VWC2L: variants seen among roughly 807,000 people sequenced by gnomAD.
VWC2L encodes von Willebrand factor C domain containing 2 like.
In VWC2L, 10 loss-of-function variants were observed where a neutral mutation model predicts 21.6. The observed-to-expected ratio is 0.46, with a 90% CI of 0.29 to 0.78. The LOEUF (loss-of-function observed/expected upper bound fraction) is 0.78. Among genes scored for constraint, VWC2L ranks in the 30% least tolerant of loss-of-function variants. The pLI is 0.10. For missense variants in VWC2L, 209 were observed against 277.1 expected (o/e 0.75, Z 1.74); for synonymous variants, 96 against 94.3 (o/e 1.02, Z -0.10).
intron 3 of VWC2L, among the ~76,000 whole-genome samples, chr2:214,464,328 G>A (rs781324129): frequency 6.6e-6 from 1 of 152,068 alleles, no homozygotes; most frequent in Non-Finnish European, 1.5e-5. Flanking sequence ...AGGGAATTGT[G>A]GTTACTACAG....
intron 3 of VWC2L, among the ~76,000 whole-genome samples, chr2:214,466,039 C>T (rs1030840036): frequency 6.6e-6 from 1 of 152,168 alleles, no homozygotes; most frequent in African/African-American, 2.4e-5. Context: ...TCAAAGCTGT[C>T]TTTCCTACCT....
chr2:214,526,136 A>G (rs958106383), intron 3 of VWC2L, among the ~76,000 whole-genome samples: 2 of 151,064 alleles, frequency 1.3e-5, no homozygotes, highest in Non-Finnish European at 2.9e-5. Context: ...GAAGCTCAGA[A>G]TAACGTATAT....
chr2:214,448,953 C>T (rs767267576), intron 3 of VWC2L, among the ~76,000 whole-genome samples: 4 of 152,158 alleles, frequency 2.6e-5, no homozygotes, highest in Non-Finnish European at 5.9e-5. Flanking sequence ...AGGCACCTAT[C>T]CCAGATGTCT....
intron 3 of VWC2L, among the ~76,000 whole-genome samples, chr2:214,506,256 A>G (rs12466729): frequency 0.87 from 132,905 of 152,186 alleles, 60,731 homozygotes; most frequent in Non-Finnish European, 1. Context: ...TGAAGGATTT[A>G]TATCTGTAGC....
In VWC2L at chr2:214,561,784, T is replaced by TTATATATATATA. The variant is rs67223012; in HGVS notation, c.521-13873_521-13862dup. ...GAGTAATACCTTATCTCAAAAAAAA[T>TTATATATATATA]TATATATATATATATATATATATAT... On this transcript the variant is annotated intron_variant, in intron 3 of 3. Coordinates refer to ENST00000312504, the MANE Select transcript of VWC2L (RefSeq NM_001080500.4). Among the ~76,000 whole-genome samples the TTATATATATATA allele has an allele frequency of 4.4e-3, 568 of 128,362 alleles. 7 individuals carry two copies. The highest frequency in any genetic ancestry group is 0.018 in the African/African-American group (514 of 29,358). 84.2% of individuals were successfully genotyped at this position (128,362 alleles called of 152,430 possible). A position where few individuals can be genotyped will look rare whatever the true frequency, so the allele number is the denominator to read the frequency against.
chr2:214,451,119 C>A (rs1702946990), intron 3 of VWC2L, among the ~76,000 whole-genome samples: 1 of 151,996 alleles, frequency 6.6e-6, no homozygotes, highest in Non-Finnish European at 1.5e-5. Context: ...GTTAAAAATG[C>A]AAATTTCTGA....
chr2:214,461,737 A>T (rs951421981), intron 3 of VWC2L, among the ~76,000 whole-genome samples: 5 of 152,126 alleles, frequency 3.3e-5, no homozygotes, highest in African/African-American at 1.2e-4. Context: ...GATAGGCAGG[A>T]TGGGGCAATC....
chr2:214,433,221 G>T (rs1422886674), intron 2 of VWC2L, among the ~76,000 whole-genome samples: 1 of 143,086 alleles, frequency 7.0e-6, no homozygotes, highest in Non-Finnish European at 1.5e-5. Flanking sequence ...ACATTTGACC[G>T]CTAATCCTAA....
chr2:214,517,503 A>T (rs961321469), intron 3 of VWC2L, among the ~76,000 whole-genome samples: 1 of 152,226 alleles, frequency 6.6e-6, no homozygotes, highest in Non-Finnish European at 1.5e-5. Flanking sequence ...CATGAGATCC[A>T]GGTGTCAGTA....
At chr2:214,492,611 T>C (rs997132177) in intron 3 of VWC2L, among the ~76,000 whole-genome samples, 2 of 152,214 alleles carry the variant, frequency 1.3e-5, no homozygotes, top group Admixed American at 6.5e-5. Flanking sequence ...TGTTCACTTA[T>C]CGTGTGTATA....
At chr2:214,510,817 G>C (rs1224303357) in intron 3 of VWC2L, among the ~76,000 whole-genome samples, 1 of 152,134 alleles carries the variant, frequency 6.6e-6, no homozygotes, top group Non-Finnish European at 1.5e-5. Flanking sequence ...TCATGTGGTA[G>C]ACAGAATAAA....
intron 3 of VWC2L, among the ~76,000 whole-genome samples, chr2:214,567,085 G>C (rs375619790): frequency 6.6e-6 from 1 of 152,132 alleles, no homozygotes; most frequent in African/African-American, 2.4e-5. Flanking sequence ...GCATCAGAAA[G>C]ATCATTTACA....
intron 3 of VWC2L, among the ~76,000 whole-genome samples, chr2:214,451,412 A>G (rs966814233): frequency 6.6e-6 from 1 of 151,986 alleles, no homozygotes; most frequent in African/African-American, 2.4e-5. Context: ...AGGAAGGGTC[A>G]GACCCCAAAA....
chr2:214,508,295 T>TA (rs1283845310), intron 3 of VWC2L, among the ~76,000 whole-genome samples: 1 of 152,174 alleles, frequency 6.6e-6, no homozygotes, highest in Non-Finnish European at 1.5e-5. Flanking sequence ...TTTTAAATGA[T>TA]ATACTTAGCT....
intron 3 of VWC2L, among the ~76,000 whole-genome samples, chr2:214,455,687 A>T (rs997398920): frequency 6.6e-6 from 1 of 152,138 alleles, no homozygotes; most frequent in African/African-American, 2.4e-5. Context: ...TAATCCCCTC[A>T]TTAACTCACC....
intron 3 of VWC2L, among the ~76,000 whole-genome samples, chr2:214,487,255 T>C (rs1688683588): frequency 1.3e-5 from 2 of 152,190 alleles, no homozygotes; most frequent in South Asian, 2.1e-4. Flanking sequence ...CTCTAGCAAA[T>C]TGATACATTA....
intron 3 of VWC2L, among the ~76,000 whole-genome samples, chr2:214,567,582 AC>A (rs1690085598): frequency 6.8e-6 from 1 of 146,958 alleles, no homozygotes; most frequent in South Asian, 2.2e-4. Flanking sequence ...ACACACACAC[AC>A]ACACACACAC....
intron 3 of VWC2L, among the ~76,000 whole-genome samples, chr2:214,514,323 T>G (rs960614751): frequency 6.6e-6 from 1 of 152,068 alleles, no homozygotes; most frequent in African/African-American, 2.4e-5. Context: ...ATTTCTGATC[T>G]TTAGGTAACA....
At chr2:214,538,258 ACT>A (rs1427691204) in intron 3 of VWC2L, among the ~76,000 whole-genome samples, 2 of 151,996 alleles carry the variant, frequency 1.3e-5, no homozygotes, top group Admixed American at 6.6e-5. Flanking sequence ...AGCTGCTATC[ACT>A]CTACCAAATT....
Sources: allele counts gnomAD v4.1 joint callset (sites outside exome capture counted in the v4.1 genomes callset), GRCh38; gene constraint gnomAD v4.1.1; transcripts MANE v1.5; gene names NCBI Gene and HGNC (gene_info 2026-07-23, HGNC 2026-07-21).